Variants in SRPK2 observed in about 807,000 individuals in gnomAD.
SRPK2 encodes SRSF protein kinase 2, also known as SFRS protein kinase 2.
In SRPK2, 21 loss-of-function variants were observed where a neutral mutation model predicts 90.8. The observed-to-expected ratio is 0.23, with a 90% CI of 0.16 to 0.33. SRPK2 has a LOEUF of 0.33. Among genes scored for constraint, SRPK2 ranks in the 10% least tolerant of loss-of-function variants. The pLI, the probability that SRPK2 is intolerant of heterozygous loss-of-function variation, is 1.00. For synonymous variants in SRPK2, 288 were observed against 311.1 expected (o/e 0.93, Z 0.78); for missense variants, 620 against 869.0 (o/e 0.71, Z 3.60).
chr7:105,341,537 G>T (rs930869356), intron 2 of SRPK2, among the ~76,000 whole-genome samples: 17 of 152,186 alleles, frequency 1.1e-4, no homozygotes, highest in African/African-American at 4.1e-4. Flanking sequence ...GTCAGGCATG[G>T]TGGTGCACAC....
intron 3 of SRPK2, among the ~76,000 whole-genome samples, chr7:105,171,537 G>C (rs1459248420): frequency 6.6e-6 from 1 of 152,152 alleles, no homozygotes; most frequent in African/African-American, 2.4e-5. Flanking sequence ...CTAGTCTTAA[G>C]AGCTCTAGAG....
At chr7:105,385,534 T>G (rs1451636816) in intron 2 of SRPK2, among the ~76,000 whole-genome samples, 1 of 152,094 alleles carries the variant, frequency 6.6e-6, no homozygotes, top group Non-Finnish European at 1.5e-5. Context: ...AAGCCTCCAA[T>G]GGCCTACGAG....
intron 2 of SRPK2, among the ~76,000 whole-genome samples, chr7:105,282,215 T>C (rs1310072552): frequency 6.6e-6 from 1 of 152,186 alleles, no homozygotes; most frequent in Non-Finnish European, 1.5e-5. Flanking sequence ...GACCATCTAA[T>C]GGGAAAAGAA....
chr7:105,387,211 A>C (rs1312591287), intron 2 of SRPK2, among the ~76,000 whole-genome samples: 1 of 152,236 alleles, frequency 6.6e-6, no homozygotes, highest in African/African-American at 2.4e-5. Flanking sequence ...ATAACAGACT[A>C]CGTGGAATTA....
In SRPK2 at chr7:105,294,432, C is replaced by G. The variant is rs138101198; in HGVS notation, c.72-90647G>C. Among the ~76,000 whole-genome samples, 777 of 152,246 alleles carry G rather than the reference C, an allele frequency of 5.1e-3. 12 individuals carry two copies. In the East Asian group the frequency reaches 0.055, roughly 11 times the overall value. ...AAAAATTCACAGTAACTGTTTGTTC[C>G]TTTAAAGGCTACCATCCCTTGTGAG... On this transcript the variant is annotated intron_variant, in intron 2 of 15. Coordinates refer to ENST00000393651, the MANE Select transcript of SRPK2 (RefSeq NM_182692.3).
intron 2 of SRPK2, among the ~76,000 whole-genome samples, chr7:105,372,649 G>C (rs1213485163): frequency 6.6e-6 from 1 of 152,124 alleles, no homozygotes; most frequent in East Asian, 1.9e-4. Context: ...TTCACCTTTG[G>C]TTGGTGGTCA....
chr7:105,317,444 A>C (rs1465086155), intron 2 of SRPK2, among the ~76,000 whole-genome samples: 3 of 152,240 alleles, frequency 2.0e-5, no homozygotes, highest in Non-Finnish European at 2.9e-5. Context: ...TGTCTCCAGG[A>C]AAAACACCTG....
At chr7:105,390,176 G>C (rs1272193362), upstream of SRPK2, among the ~76,000 whole-genome samples, 1 of 152,082 alleles carries the variant, frequency 6.6e-6, no homozygotes, top group Non-Finnish European at 1.5e-5. Context: ...TAAGAATAAA[G>C]ATAATCTCCC....
In SRPK2 at chr7:105,117,810, G is replaced by A. The variant is rs1799775021; in HGVS notation, c.*28C>T. 1 of 1,610,144 alleles carries A rather than the reference G, an allele frequency of 6.2e-7. No individual in the cohort carries two copies. The highest frequency in any genetic ancestry group is 8.5e-7 in the Non-Finnish European group (1 of 1,178,330). On this transcript the variant is annotated 3_prime_UTR_variant, in exon 16 of 16. Transcript: ENST00000393651. ...TCCAATGTACTGGGAACATTTGCTA[G>A]CTCAGAATGCAATATTGGTAGAATT...
chr7:105,327,787 T>C (rs796462807), intron 2 of SRPK2, among the ~76,000 whole-genome samples: 21 of 152,330 alleles, frequency 1.4e-4, no homozygotes, highest in African/African-American at 5.1e-4. Context: ...CTAAAATTTA[T>C]AGGAGTTTTT....
chr7:105,355,109 T>A (rs773344146), intron 2 of SRPK2, among the ~76,000 whole-genome samples: 14 of 152,226 alleles, frequency 9.2e-5, no homozygotes, highest in Non-Finnish European at 1.9e-4. Flanking sequence ...TATTCCATTG[T>A]AAGGATATGC....
chr7:105,262,253 C>T (rs561862348), intron 2 of SRPK2, among the ~76,000 whole-genome samples: 2 of 152,262 alleles, frequency 1.3e-5, no homozygotes, highest in African/African-American at 4.8e-5. Flanking sequence ...TCCAGTCTTT[C>T]ATTGGAAACT....
chr7:105,246,909 T>G (rs949248660), intron 2 of SRPK2, among the ~76,000 whole-genome samples: 2 of 152,242 alleles, frequency 1.3e-5, no homozygotes, highest in African/African-American at 4.8e-5. Context: ...TTTCCCTTTT[T>G]GTGAACAGCT....
chr7:105,328,830 A>G (rs1031373590), intron 2 of SRPK2, among the ~76,000 whole-genome samples: 1 of 148,264 alleles, frequency 6.7e-6, no homozygotes, highest in African/African-American at 2.5e-5. Flanking sequence ...GTGCCACTGC[A>G]CTCCAGCCTG....
intron 2 of SRPK2, among the ~76,000 whole-genome samples, chr7:105,266,566 T>C (rs1172052247): frequency 1.3e-5 from 2 of 152,150 alleles, no homozygotes; most frequent in Admixed American, 6.5e-5. Context: ...TTTCTACCAG[T>C]AGACAGATGG....
At chr7:105,282,528 G>A (rs886370514) in intron 2 of SRPK2, among the ~76,000 whole-genome samples, 1 of 152,114 alleles carries the variant, frequency 6.6e-6, no homozygotes, top group Non-Finnish European at 1.5e-5. Flanking sequence ...AAGGGCCAGG[G>A]GCAGAGGCTC....
intron 3 of SRPK2, among the ~76,000 whole-genome samples, chr7:105,198,658 AAAG>A (rs1198315665): frequency 6.6e-6 from 1 of 152,190 alleles, no homozygotes; most frequent in Non-Finnish European, 1.5e-5. Context: ...GAACACAATG[AAAG>A]AAGAATGATA....
In SRPK2 at chr7:105,329,137, C is replaced by T. The variant is rs553702659; in HGVS notation, c.71+59511G>A. Among the ~76,000 whole-genome samples the T allele has an allele frequency of 6.6e-5, 10 of 152,240 alleles. No homozygotes were observed. The East Asian group carries it at 1.9e-3, about 29-fold the overall frequency. ...ATAGGGCCAGTTTTAACCACCTCCC[C>T]CAAATTTTTTTCTCCCACATTGCCT... On this transcript the variant is annotated intron_variant, in intron 2 of 15. Transcript: ENST00000393651.
chr7:105,137,930 C>T (rs1213242349), intron 11 of SRPK2, among the ~76,000 whole-genome samples: 1 of 152,180 alleles, frequency 6.6e-6, no homozygotes, highest in African/African-American at 2.4e-5. Flanking sequence ...ACAAAACACA[C>T]CTCCCATGGG....
Sources: allele counts gnomAD v4.1 joint callset (sites outside exome capture counted in the v4.1 genomes callset), GRCh38; gene constraint gnomAD v4.1.1; transcripts MANE v1.5; gene names NCBI Gene and HGNC (gene_info 2026-07-23, HGNC 2026-07-21).